DAPK2: variants seen among roughly 807,000 people sequenced by gnomAD.
DAPK2 encodes the protein death associated protein kinase 2.
Under a neutral mutation model 44.1 loss-of-function variants are expected in DAPK2, and 35 were observed. That is an observed-to-expected ratio of 0.79 (90% CI 0.61 to 1.05). DAPK2 has a LOEUF of 1.05. Ranked by LOEUF, DAPK2 falls within the 50% of genes least tolerant of loss-of-function variation. DAPK2 has a pLI of 0.00. For synonymous variants in DAPK2, 174 were observed against 182.6 expected, an observed-to-expected ratio of 0.95 and a Z score of 0.38; for missense variants, 453 against 483.2, an observed-to-expected ratio of 0.94 and a Z score of 0.59.
rs534093031 is a variant in DAPK2 at position 63,994,671 on chromosome 15, C to A, written c.93-10917G>T. On this transcript the variant is annotated intron_variant, in intron 1 of 10. Transcript: ENST00000261891. ...ATGGCTCCATCTCGGCTCACTGCAACCTCCGCCTCCCGGGTTCAAGCGATT... is the reference window on the plus strand; with the variant it reads ...ATGGCTCCATCTCGGCTCACTGCAAACTCCGCCTCCCGGGTTCAAGCGATT... Among the ~76,000 whole-genome samples, 149 of 151,242 alleles carry A rather than the reference C, an allele frequency of 9.9e-4. 1 individual carries two copies. Among genetic ancestry groups the A allele is most frequent in the Middle Eastern group, 3.4e-3 (1 of 292 alleles).
At chr15:64,019,750 G>C (rs1016320864) in intron 1 of DAPK2, among the ~76,000 whole-genome samples, 1 of 152,198 alleles carries the variant, frequency 6.6e-6, no homozygotes, top group Non-Finnish European at 1.5e-5. Flanking sequence ...CAGCCAGACA[G>C]TGCAGACAGG....
intron 1 of DAPK2, among the ~76,000 whole-genome samples, chr15:64,019,083 C>T (rs550969016): frequency 6.6e-6 from 1 of 152,306 alleles, no homozygotes; most frequent in East Asian, 1.9e-4. Context: ...ACGCCATTCT[C>T]ACCCCCATCC....
chr15:64,026,070 T>C (rs1265360459), intron 1 of DAPK2, among the ~76,000 whole-genome samples: 2 of 152,078 alleles, frequency 1.3e-5, no homozygotes, highest in Non-Finnish European at 2.9e-5. Flanking sequence ...CTAGACCCTG[T>C]GGACGGCTGA....
chr15:63,971,610 G>A (rs1449715552), intron 2 of DAPK2, 49 bp from the exon 4 acceptor site: 1 of 1,599,396 alleles, frequency 6.3e-7, no homozygotes, highest in East Asian at 2.3e-5. Context: ...AGTCAGCTCT[G>A]CATGTCATGA....
At chr15:63,982,468 A>G (rs527781863) in intron 2 of DAPK2, among the ~76,000 whole-genome samples, 73 of 152,084 alleles carry the variant, frequency 4.8e-4, no homozygotes, top group African/African-American at 6.8e-4. Flanking sequence ...GATTACAGGC[A>G]TGAGCCACTG....
intron 3 of DAPK2, among the ~76,000 whole-genome samples, chr15:63,965,555 CCCCTT>C (rs2078031666): frequency 6.6e-6 from 1 of 152,228 alleles, no homozygotes; most frequent in Admixed American, 6.5e-5. Flanking sequence ...TGAGCTTCCC[CCCCTT>C]GGGTGGTCCA....
At chr15:63,920,484 T>A (rs2079042855) in intron 8 of DAPK2, 1 of 152,286 alleles carries the variant, frequency 6.6e-6, no homozygotes, top group Middle Eastern at 3.4e-3. Context: ...TGGGCCTTTT[T>A]TCTTAGTGGT....
At chr15:63,969,309 A>G (rs530470103) in intron 3 of DAPK2, among the ~76,000 whole-genome samples, 2 of 152,160 alleles carry the variant, frequency 1.3e-5, no homozygotes, top group East Asian at 3.9e-4. Context: ...AGTCCCAACT[A>G]CTTGGGAGGC....
At chr15:63,963,882 T>C (rs929907737) in intron 3 of DAPK2, among the ~76,000 whole-genome samples, 9 of 152,230 alleles carry the variant, frequency 5.9e-5, no homozygotes, top group Non-Finnish European at 1.3e-4. Flanking sequence ...TTTTTAACTT[T>C]TTGTTTCTGT....
At chr15:63,935,310 C>T (rs1206200313) in intron 4 of DAPK2, among the ~76,000 whole-genome samples, 2 of 151,962 alleles carry the variant, frequency 1.3e-5, no homozygotes, top group African/African-American at 4.8e-5. Flanking sequence ...AGGCTGGTCT[C>T]GAGCTCCTGA....
At chr15:64,012,426 T>C (rs768498960) in intron 1 of DAPK2, among the ~76,000 whole-genome samples, 11 of 152,262 alleles carry the variant, frequency 7.2e-5, no homozygotes, top group Non-Finnish European at 1.2e-4. Flanking sequence ...CCTTAGTGCC[T>C]AGAACCATAC....
intron 3 of DAPK2, among the ~76,000 whole-genome samples, chr15:63,968,623 G>A (rs565511690): frequency 4.6e-5 from 7 of 152,228 alleles, no homozygotes; most frequent in African/African-American, 1.2e-4. Flanking sequence ...TACTATTACC[G>A]AGCACCTATT....
intron 1 of DAPK2, among the ~76,000 whole-genome samples, chr15:64,008,153 C>T (rs907945121): frequency 6.6e-6 from 1 of 152,018 alleles, no homozygotes; most frequent in East Asian, 1.9e-4. Flanking sequence ...ACACTATATG[C>T]GAATGTACTA....
chr15:63,931,429 T>C (rs1567212648), intron 4 of DAPK2, among the ~76,000 whole-genome samples: 1 of 151,842 alleles, frequency 6.6e-6, no homozygotes, highest in Non-Finnish European at 1.5e-5. Context: ...GAAGGAGAAA[T>C]GGGGCCTCGG....
chr15:63,994,844 C>T (rs1480020530), intron 1 of DAPK2, among the ~76,000 whole-genome samples: 1 of 152,078 alleles, frequency 6.6e-6, no homozygotes, highest in Non-Finnish European at 1.5e-5. Flanking sequence ...CCCACCTCAG[C>T]CTCCCAAAGT....
chr15:63,946,290 C>T (rs116500379), intron 3 of DAPK2, among the ~76,000 whole-genome samples: 9,308 of 152,358 alleles, frequency 0.061, 315 homozygotes, highest in African/African-American at 0.093. Flanking sequence ...CCTGTGGGCC[C>T]AGCACAGCGT....
At chr15:63,911,716 C>A in intron 10 of DAPK2, 192 bp downstream of exon 11, 1 of 627,378 alleles carries the variant, frequency 1.6e-6, no homozygotes, top group Non-Finnish European at 2.8e-6. Flanking sequence ...CCCGGCACCA[C>A]CCAGAGGTCC....
At chr15:64,036,213 A>T (rs2141181433) in intron 1 of DAPK2, among the ~76,000 whole-genome samples, 1 of 147,704 alleles carries the variant, frequency 6.8e-6, no homozygotes, top group East Asian at 2.0e-4. Context: ...GTGAGCCGAG[A>T]TCTCACCACT....
At chr15:63,922,550 G>A (rs1567203447) in intron 8 of DAPK2, 1 of 1,387,574 alleles carries the variant, frequency 7.2e-7, no homozygotes, top group East Asian at 2.6e-5. Context: ...CCAGATTGGT[G>A]AGGGGAGGTG....
Sources: allele counts gnomAD v4.1 joint callset (sites outside exome capture counted in the v4.1 genomes callset), GRCh38; gene constraint gnomAD v4.1.1; transcripts MANE v1.5; gene names NCBI Gene and HGNC (gene_info 2026-07-23, HGNC 2026-07-21).